Variants in CPA6 observed in about 807,000 individuals in gnomAD.
CPA6 encodes carboxypeptidase B.
CPA6 carries 58 observed loss-of-function variants against 63.3 expected under a neutral mutation model. That is an observed-to-expected ratio of 0.92 (90% CI 0.74 to 1.14). CPA6 has a LOEUF of 1.14. CPA6 is among the 50% of genes most tolerant of loss of function. CPA6 has a pLI of 0.00. For missense variants in CPA6, 565 were observed against 526.6 expected, an observed-to-expected ratio of 1.07 and a Z score of -0.71; for synonymous variants, 185 against 179.0, an observed-to-expected ratio of 1.03 and a Z score of -0.27.
At chr8:67,607,290 A>T (rs1814691719) in intron 2 of CPA6, among the ~76,000 whole-genome samples, 1 of 133,414 alleles carries the variant, frequency 7.5e-6, no homozygotes, top group African/African-American at 2.8e-5. Context: ...TCTTGTTATT[A>T]TTTTGCTTCC....
intron 1 of CPA6, among the ~76,000 whole-genome samples, chr8:67,649,944 G>C (rs1365918408): frequency 1.3e-5 from 2 of 152,108 alleles, no homozygotes; most frequent in Non-Finnish European, 2.9e-5. Context: ...AGGGAAACGA[G>C]GACAAAGAAT....
chr8:67,581,747 A>G (rs1297273911), intron 2 of CPA6, among the ~76,000 whole-genome samples: 1 of 152,194 alleles, frequency 6.6e-6, no homozygotes. Flanking sequence ...AAGATTCAGA[A>G]TAGGACTTTA....
chr8:67,509,420 TA>T, intron 5 of CPA6, 96 bp downstream of exon 5: 1 of 611,420 alleles, frequency 1.6e-6, no homozygotes, highest in Non-Finnish European at 2.9e-6. Flanking sequence ...TGAGACTCTA[TA>T]AAAGATCATT....
rs1167782139 is a variant in CPA6, at chr8:67,623,509, C to T, written c.192+667G>A. 1.3e-5 allele frequency among the ~76,000 whole-genome samples: 2 copies of T among 152,048 alleles called. 1 individual carries two copies. The highest frequency in any genetic ancestry group is 3.9e-4 in the East Asian group (2 of 5,140). Reference sequence around the variant, plus strand: ...TGTCTCAAAAAAAGAGATACTAGACCTCACTGCAACCTCCCAGGTTCAACT... The same window carrying T: ...TGTCTCAAAAAAAGAGATACTAGACTTCACTGCAACCTCCCAGGTTCAACT... On this transcript the variant is annotated intron_variant, in intron 2 of 10. Transcript: ENST00000297770.
intron 6 of CPA6, among the ~76,000 whole-genome samples, chr8:67,504,782 G>A (rs1271205616): frequency 1.3e-5 from 2 of 152,170 alleles, no homozygotes; most frequent in Non-Finnish European, 1.5e-5. Context: ...GAGTGGTAAA[G>A]TGGAGGAGGA....
chr8:67,472,387 TTTATTTTATTTTATTTTATCTTATC>T (rs1206690392), intron 8 of CPA6, among the ~76,000 whole-genome samples: 3,270 of 124,262 alleles, frequency 0.026, 135 homozygotes, highest in African/African-American at 0.1. Context: ...TTTATTTTAT[TTTATTTTATTTTATTTTATCTTATC>T]TTATTTTATT....
chr8:67,630,441 A>AT lies in CPA6; in HGVS notation c.117-6191dup, dbSNP rs138763062. The stretch of plus-strand genomic sequence containing the variant: ...CAGACAGTGGCCCTGGTGGGAATTG[A>AT]TTTTTTTTTTCTTGTCAAAGTTATA... On this transcript the variant is annotated intron_variant, in intron 1 of 10. Transcript: ENST00000297770. Among the ~76,000 whole-genome samples, 600 of 150,838 alleles carry AT rather than the reference A, an allele frequency of 4.0e-3. 3 individuals carry two copies. Among genetic ancestry groups the AT allele is most frequent in the African/African-American group, 0.013 (546 of 41,134 alleles).
intron 2 of CPA6, among the ~76,000 whole-genome samples, chr8:67,538,991 A>G (rs1812648997): frequency 6.6e-6 from 1 of 152,128 alleles, no homozygotes; most frequent in African/African-American, 2.4e-5. Context: ...CATTTAACCC[A>G]TTTACATTTA....
intron 8 of CPA6, among the ~76,000 whole-genome samples, chr8:67,478,528 A>C (rs754625390): frequency 1.3e-5 from 2 of 152,140 alleles, no homozygotes; most frequent in Non-Finnish European, 2.9e-5. Flanking sequence ...GGAATCAGAC[A>C]CTCACTTTAG....
intron 2 of CPA6, among the ~76,000 whole-genome samples, chr8:67,529,506 A>T (rs780772190): frequency 6.6e-6 from 1 of 152,212 alleles, no homozygotes; most frequent in Non-Finnish European, 1.5e-5. Context: ...TAAATTCTCT[A>T]TGTTCCAACC....
At chr8:67,563,956 C>T (rs1001194861) in intron 2 of CPA6, among the ~76,000 whole-genome samples, 1 of 152,070 alleles carries the variant, frequency 6.6e-6, no homozygotes, top group Non-Finnish European at 1.5e-5. Context: ...GATAAGTTGC[C>T]TCTTCAAAGG....
intron 8 of CPA6, among the ~76,000 whole-genome samples, chr8:67,475,400 T>A (rs1328216694): frequency 6.6e-6 from 1 of 152,248 alleles, no homozygotes; most frequent in Admixed American, 6.5e-5. Flanking sequence ...CATACTGTGA[T>A]AAAAGCTCCT....
chr8:67,733,407 C>G (rs992696313), intron 1 of CPA6, among the ~76,000 whole-genome samples: 2 of 151,020 alleles, frequency 1.3e-5, no homozygotes, highest in Non-Finnish European at 2.9e-5. Flanking sequence ...ACACGGGCTT[C>G]CACCTCACCT....
chr8:67,455,447 TTACTC>T (rs1313000872), intron 8 of CPA6, among the ~76,000 whole-genome samples: 4 of 151,982 alleles, frequency 2.6e-5, no homozygotes, highest in Non-Finnish European at 4.4e-5. Context: ...AACTCTTACT[TTACTC>T]TAATATACTT....
intron 1 of CPA6, among the ~76,000 whole-genome samples, chr8:67,638,892 G>C (rs1346454500): frequency 6.6e-6 from 1 of 151,280 alleles, no homozygotes; most frequent in African/African-American, 2.5e-5. Flanking sequence ...TTTCCTGGGG[G>C]ACCTTAGCCT....
At chr8:67,642,289 A>G (rs7812862) in intron 1 of CPA6, among the ~76,000 whole-genome samples, 54,940 of 151,272 alleles carry the variant, frequency 0.36, 10,569 homozygotes, top group African/African-American at 0.5. Flanking sequence ...TTGCACTCCA[A>G]CCTGGGCGAC....
At chr8:67,658,257 A>G (rs921639177) in intron 1 of CPA6, among the ~76,000 whole-genome samples, 1 of 152,154 alleles carries the variant, frequency 6.6e-6, no homozygotes, top group Non-Finnish European at 1.5e-5. Flanking sequence ...TGCAACATGT[A>G]TTGTGCTGAT....
chr8:67,447,592 A>G (rs1810459544), intron 8 of CPA6, among the ~76,000 whole-genome samples: 1 of 152,062 alleles, frequency 6.6e-6, no homozygotes, highest in South Asian at 2.1e-4. Flanking sequence ...TCAAAAATTT[A>G]AAGTTATAAA....
At chr8:67,478,882 G>A (rs1015539981) in intron 8 of CPA6, among the ~76,000 whole-genome samples, 9 of 152,110 alleles carry the variant, frequency 5.9e-5, no homozygotes, top group East Asian at 1.9e-4. Context: ...AAATTAGCCC[G>A]GCGTGGTGGT....
Sources: allele counts gnomAD v4.1 joint callset (sites outside exome capture counted in the v4.1 genomes callset), GRCh38; gene constraint gnomAD v4.1.1; transcripts MANE v1.5; gene names NCBI Gene and HGNC (gene_info 2026-07-23, HGNC 2026-07-21).